The following SMAD2 variants were observed in gnomAD, a reference collection of about 807,000 sequenced individuals.
SMAD2 encodes MAD homolog 2.
Under a neutral mutation model 64.4 loss-of-function variants are expected in SMAD2, and 8 were observed. The ratio of observed to expected loss-of-function variants is 0.12; its 90% confidence interval spans 0.07 to 0.22. The LOEUF is 0.22. SMAD2 is among the 10% of genes least tolerant of loss of function. The probability of loss-of-function intolerance (pLI) is 1.00; values close to 1 mark genes in which losing one functional copy is unlikely to be tolerated. For missense variants in SMAD2, 289 were observed against 561.2 expected (o/e 0.51, Z 4.90); for synonymous variants, 203 against 195.8 (o/e 1.04, Z -0.31).
chr18:47,868,137 A>C, intron 5 of SMAD2, 186 bp downstream of exon 5: 1 of 591,526 alleles, frequency 1.7e-6, no homozygotes, highest in South Asian at 2.0e-5. Flanking sequence ...ACTCTTCTCC[A>C]AACAAAACTG....
intron 3 of SMAD2, 34 bp from the exon 4 acceptor site, chr18:47,869,470 A>C: frequency 1.4e-6 from 2 of 1,423,462 alleles, no homozygotes; most frequent in Non-Finnish European, 1.9e-6. Flanking sequence ...AAAGGAGGGA[A>C]CTTTAAAAAA....
chr18:47,924,065 AT>A (rs532272864), intron 1 of SMAD2, among the ~76,000 whole-genome samples: 40 of 152,170 alleles, frequency 2.6e-4, no homozygotes, highest in African/African-American at 9.4e-4. Context: ...CCTGACCAAC[AT>A]GGTGAAACCC....
intron 1 of SMAD2, among the ~76,000 whole-genome samples, chr18:47,927,112 T>G (rs2034796970): frequency 6.6e-6 from 1 of 152,250 alleles, no homozygotes; most frequent in African/African-American, 2.4e-5. Context: ...GTTATTCAAC[T>G]CTGCTTTCTT....
At chr18:47,877,501 A>G (rs187840758) in intron 2 of SMAD2, among the ~76,000 whole-genome samples, 1 of 152,280 alleles carries the variant, frequency 6.6e-6, no homozygotes, top group African/African-American at 2.4e-5. Flanking sequence ...TACAAGTACT[A>G]TGTGTGGCTG....
chr18:47,861,630 A>G (rs1277703016), intron 6 of SMAD2, among the ~76,000 whole-genome samples: 2 of 152,230 alleles, frequency 1.3e-5, no homozygotes, highest in Admixed American at 6.5e-5. Flanking sequence ...GCATTGTTAT[A>G]AGACTATTAT....
intron 2 of SMAD2, among the ~76,000 whole-genome samples, chr18:47,873,464 T>A (rs1473969128): frequency 1.3e-5 from 2 of 152,150 alleles, no homozygotes; most frequent in African/African-American, 4.8e-5. Flanking sequence ...AATACTGTAA[T>A]AAGCCAAAAC....
intron 1 of SMAD2, among the ~76,000 whole-genome samples, chr18:47,916,837 A>C (rs1272640941): frequency 6.6e-6 from 1 of 152,262 alleles, no homozygotes; most frequent in South Asian, 2.1e-4. Context: ...AACTGTTCAC[A>C]GTATTCTTGC....
rs566504462 is a variant in SMAD2 at position 47,846,693 on chromosome 18, T to G, written c.998-893A>C. The stretch of plus-strand genomic sequence containing the variant: ...TAGGAGCTGAATTCTGCCACAACCA[T>G]GTGGGTTTAGAAGAGGACCTCAAGC... On this transcript the variant is annotated intron_variant, in intron 8 of 10. Transcript: ENST00000262160. 3.3e-5 allele frequency among the ~76,000 whole-genome samples: 5 copies of G among 152,192 alleles called. No homozygotes were observed. The South Asian group carries it at 1.0e-3, about 32-fold the overall frequency.
At chr18:47,897,134 A>AG (rs2033473178) in intron 1 of SMAD2, among the ~76,000 whole-genome samples, 1 of 152,202 alleles carries the variant, frequency 6.6e-6, no homozygotes, top group African/African-American at 2.4e-5. Flanking sequence ...TTTTCACAAA[A>AG]GGTTCTCTTA....
Position 47,832,156 on chromosome 18 carries a change from A to G in SMAD2, c.*9671T>C, listed in dbSNP as rs986928846. 6.6e-6 allele frequency: 1 copy of G among 152,210 alleles called. No homozygotes were observed. Among genetic ancestry groups the G allele is most frequent in the African/African-American group, 2.4e-5 (1 of 41,452 alleles). 9.4% of individuals were successfully genotyped at this position (152,210 alleles called of 1,614,324 possible). A position where few individuals can be genotyped will look rare whatever the true frequency, so the allele number is the denominator to read the frequency against. ...GGAGACAGCCCAAACATAGACCTTA[A>G]TACTTCTCTCATACTCTTCAGCCAT... On this transcript the variant is annotated 3_prime_UTR_variant, in exon 11 of 11. Coordinates refer to ENST00000262160, the MANE Select transcript of SMAD2 (RefSeq NM_005901.6).
At chr18:47,857,093 G>A (rs961767335) in intron 6 of SMAD2, among the ~76,000 whole-genome samples, 6 of 151,952 alleles carry the variant, frequency 3.9e-5, no homozygotes, top group Non-Finnish European at 5.9e-5. Flanking sequence ...TCCTGACCTC[G>A]TGATCCGCCC....
intron 6 of SMAD2, among the ~76,000 whole-genome samples, chr18:47,862,016 T>C (rs1436539241): frequency 6.6e-6 from 1 of 152,260 alleles, no homozygotes; most frequent in African/African-American, 2.4e-5. Flanking sequence ...AGTCTCACTA[T>C]GCTATTTTGA....
At position 47,833,679 on chromosome 18, in the gene SMAD2, G is replaced by A. The variant is rs1277414393; in HGVS notation, c.*8148C>T. 2 of 231,098 alleles carry A rather than the reference G, an allele frequency of 8.7e-6. No individual in the cohort carries two copies. Among genetic ancestry groups the A allele is most frequent in the Non-Finnish European group, 1.7e-5 (2 of 116,658 alleles). The allele number at this position is 231,098 out of a possible 1,614,324, so 14.3% of individuals were successfully genotyped here. On this transcript the variant is annotated 3_prime_UTR_variant, in exon 11 of 11. Coordinates refer to ENST00000262160, the MANE Select transcript of SMAD2 (RefSeq NM_005901.6). ...AGAGAAACTGCTCAGTCTGCATCAG[G>A]ACACCCAATTCCTTCACTTGCCATT...
chr18:47,861,937 A>G (rs1421495473), intron 6 of SMAD2, among the ~76,000 whole-genome samples: 2 of 152,202 alleles, frequency 1.3e-5, no homozygotes, highest in Non-Finnish European at 2.9e-5. Flanking sequence ...TATTTTACAG[A>G]TTTAAAAACT....
chr18:47,925,286 T>C (rs1040966377), intron 1 of SMAD2, among the ~76,000 whole-genome samples: 7 of 152,202 alleles, frequency 4.6e-5, no homozygotes, highest in Non-Finnish European at 1.0e-4. Context: ...TTGATAAGAA[T>C]TAATCACGTC....
intron 6 of SMAD2, among the ~76,000 whole-genome samples, chr18:47,855,410 ATAGT>A (rs1333146274): frequency 6.6e-6 from 1 of 152,172 alleles, no homozygotes; most frequent in Non-Finnish European, 1.5e-5. Flanking sequence ...TGGTAAGAAT[ATAGT>A]TAGTTTTGTG....
intron 2 of SMAD2, chr18:47,895,290 T>TC (rs1351008118): frequency 6.6e-6 from 1 of 152,236 alleles, no homozygotes; most frequent in African/African-American, 2.4e-5. Flanking sequence ...CTCTGGCTCT[T>TC]CCCTCTGCCT....
intron 1 of SMAD2, among the ~76,000 whole-genome samples, chr18:47,916,014 A>C (rs1358981881): frequency 1.3e-5 from 2 of 152,238 alleles, no homozygotes; most frequent in Non-Finnish European, 2.9e-5. Flanking sequence ...CCCGTTGTCC[A>C]TCAAAATTAT....
Position 47,821,844 on chromosome 18 carries a change from T to C in SMAD2, c.*19983A>G, listed in dbSNP as rs532351086. On this transcript the variant is annotated 3_prime_UTR_variant, in exon 11 of 11. Transcript: ENST00000262160. The stretch of plus-strand genomic sequence containing the variant: ...TTTCTGCATTGCTTCTTAAGTCTTT[T>C]GATTATCATTCTTGTTAAATATTTT... 3.9e-5 allele frequency: 6 copies of C among 152,340 alleles called. No homozygotes were observed. Among genetic ancestry groups the C allele is most frequent in the East Asian group, 1.9e-4 (1 of 5,184 alleles). The allele number at this position is 152,340 out of a possible 1,614,324, so 9.4% of individuals were successfully genotyped here.
Sources: gnomAD v4.1 joint callset for allele counts (sites outside exome capture counted in the v4.1 genomes callset) on GRCh38, gnomAD v4.1.1 for gene constraint, MANE v1.5 for transcripts, NCBI Gene and HGNC (gene_info 2026-07-23, HGNC 2026-07-21) for gene names.